Variants in RGS7 observed in about 807,000 individuals in gnomAD.
The protein encoded by RGS7 is regulator of G-protein signaling 7.
RGS7 carries 27 observed loss-of-function variants against 81.1 expected under a neutral mutation model. The ratio of observed to expected loss-of-function variants is 0.33; its 90% CI spans 0.25 to 0.46. The LOEUF (loss-of-function observed/expected upper bound fraction) is 0.46. Among genes scored for constraint, RGS7 ranks in the 20% least tolerant of loss-of-function variants. The pLI, the probability that RGS7 is intolerant of heterozygous loss-of-function variation, is 1.00. For missense variants in RGS7, 396 were observed against 607.4 expected, an observed-to-expected ratio of 0.65 and a Z score of 3.66; for synonymous variants, 208 against 207.7, an observed-to-expected ratio of 1.00 and a Z score of -0.01.
chr1:240,906,819 G>C (rs1267570779), intron 6 of RGS7, among the ~76,000 whole-genome samples: 1 of 152,100 alleles, frequency 6.6e-6, no homozygotes, highest in Non-Finnish European at 1.5e-5. Context: ...CATAGCTCAG[G>C]TCAATCACAT....
At chr1:241,063,948 C>G (rs1052512592) in intron 3 of RGS7, among the ~76,000 whole-genome samples, 1 of 152,034 alleles carries the variant, frequency 6.6e-6, no homozygotes, top group Non-Finnish European at 1.5e-5. Context: ...CTTTGGGAGG[C>G]CAAGGTGGGC....
At chr1:241,130,752 CTTTCTTATCTGAACCTCTAAGGA>C (rs2067020218) in intron 2 of RGS7, among the ~76,000 whole-genome samples, 1 of 134,328 alleles carries the variant, frequency 7.4e-6, no homozygotes, top group African/African-American at 4.0e-5. Context: ...CTGAGCATTG[CTTTCTTATCTGAACCTCTAAGGA>C]TTGGATTTGG....
At chr1:241,324,633 T>G (rs2081393799) in intron 2 of RGS7, among the ~76,000 whole-genome samples, 1 of 152,318 alleles carries the variant, frequency 6.6e-6, no homozygotes, top group African/African-American at 2.4e-5. Flanking sequence ...CAGATTTCCT[T>G]AGAATGACCA....
intron 2 of RGS7, among the ~76,000 whole-genome samples, chr1:241,341,867 A>G (rs1306008283): frequency 2.3e-5 from 3 of 132,178 alleles, no homozygotes; most frequent in East Asian, 2.1e-4. Context: ...ACACTCTTCA[A>G]CTCTTTTTTT....
At chr1:241,132,204 A>C (rs754660375) in intron 2 of RGS7, 1 of 154,678 alleles carries the variant, frequency 6.5e-6, no homozygotes, top group Non-Finnish European at 1.5e-5. Flanking sequence ...TAAAATGTAA[A>C]AGAACTGTGC....
chr1:241,333,844 A>G (rs897601580), intron 2 of RGS7, among the ~76,000 whole-genome samples: 1 of 150,934 alleles, frequency 6.6e-6, no homozygotes, highest in African/African-American at 2.5e-5. Flanking sequence ...TTATTTTTGC[A>G]TCTTAGTTGT....
intron 2 of RGS7, among the ~76,000 whole-genome samples, chr1:241,297,203 T>C (rs1447272911): frequency 3.9e-5 from 6 of 152,172 alleles, no homozygotes; most frequent in African/African-American, 1.2e-4. Flanking sequence ...GTCTGGCCCA[T>C]AGAATGAGCT....
intron 2 of RGS7, among the ~76,000 whole-genome samples, chr1:241,162,926 T>G: frequency 6.6e-6 from 1 of 152,350 alleles, no homozygotes; most frequent in African/African-American, 2.4e-5. Flanking sequence ...TTGCCATTGT[T>G]AAAGCCCATG....
At chr1:241,068,872 G>A (rs2062255426) in intron 3 of RGS7, among the ~76,000 whole-genome samples, 2 of 152,278 alleles carry the variant, frequency 1.3e-5, no homozygotes, top group Admixed American at 1.3e-4. Flanking sequence ...TTTCTCGTGA[G>A]TGGCTTAGTA....
chr1:240,999,371 GA>G (rs1687784019), intron 3 of RGS7, among the ~76,000 whole-genome samples: 1 of 151,694 alleles, frequency 6.6e-6, no homozygotes, highest in African/African-American at 2.4e-5. Context: ...AGATTTTTAA[GA>G]ATCACAAAAA....
chr1:241,072,214 C>T (rs1420802118), intron 3 of RGS7, among the ~76,000 whole-genome samples: 2 of 152,110 alleles, frequency 1.3e-5, no homozygotes, highest in African/African-American at 2.4e-5. Flanking sequence ...TCTAAAAGAC[C>T]TTGAGTGGTG....
chr1:240,916,325 T>C (rs1399282489), intron 6 of RGS7, among the ~76,000 whole-genome samples: 2 of 148,458 alleles, frequency 1.3e-5, no homozygotes, highest in Non-Finnish European at 3.0e-5. Context: ...GAACAGAATG[T>C]CTAAAAACTG....
chr1:240,833,229 G>A (rs1403073019), intron 9 of RGS7, among the ~76,000 whole-genome samples: 1 of 152,184 alleles, frequency 6.6e-6, no homozygotes, highest in Non-Finnish European at 1.5e-5. Context: ...TGCCTAACAG[G>A]TGGGTACCAC....
chr1:241,345,858 T>C (rs557548978), intron 2 of RGS7, among the ~76,000 whole-genome samples: 43 of 151,862 alleles, frequency 2.8e-4, no homozygotes, highest in South Asian at 1.5e-3. Context: ...TCTACTAAAA[T>C]ACAAAAAATA....
intron 2 of RGS7, chr1:241,186,483 CT>C: frequency 3.4e-6 from 3 of 876,992 alleles, no homozygotes; most frequent in South Asian, 5.3e-5. Flanking sequence ...CTTCAAACTT[CT>C]TTTCCCTCAA....
chr1:240,816,277 T>C (rs1469582693), intron 11 of RGS7, 40 bp downstream of exon 11: 1 of 1,292,148 alleles, frequency 7.7e-7, no homozygotes, highest in Admixed American at 1.7e-5. Flanking sequence ...TAGCTGTTAC[T>C]CTGTAAACCT....
chr1:241,050,100 C>T (rs774593205), intron 3 of RGS7, among the ~76,000 whole-genome samples: 46 of 152,310 alleles, frequency 3.0e-4, no homozygotes, highest in South Asian at 1.0e-3. Flanking sequence ...ATCTTTGCCC[C>T]CAATTCTCGC....
chr1:241,165,622 G>A (rs56243206), intron 2 of RGS7, among the ~76,000 whole-genome samples: 14,179 of 138,766 alleles, frequency 0.1, 788 homozygotes, highest in East Asian at 0.17. Context: ...ACACTCTGGC[G>A]ATTGTTGTGG....
rs1433690559 is a variant in RGS7, at chr1:241,068,257, T to TATATATATATATAAAA, written c.175+30408_175+30409insTTTTATATATATATAT. 2.2e-4 allele frequency among the ~76,000 whole-genome samples: 16 copies of TATATATATATATAAAA among 73,270 alleles called. 1 individual carries two copies. Among genetic ancestry groups the TATATATATATATAAAA allele is most frequent in the Non-Finnish European group, 3.8e-4 (14 of 36,376 alleles). The allele number at this position is 73,270 out of a possible 152,430, so 48.1% of individuals were successfully genotyped here. A position where few individuals can be genotyped will look rare whatever the true frequency, so the allele number is the denominator to read the frequency against. On this transcript the variant is annotated intron_variant, in intron 3 of 18. Coordinates refer to ENST00000440928, the MANE Select transcript of RGS7 (RefSeq NM_001364886.1). ...GTGTGTGTATATATATATATATATA[T>TATATATATATATAAAA]AAAATATTGTGTATATATAATATTA... is the stretch of plus-strand genomic sequence containing the variant.
Sources: allele counts gnomAD v4.1 joint callset (sites outside exome capture counted in the v4.1 genomes callset), GRCh38; gene constraint gnomAD v4.1.1; transcripts MANE v1.5; gene names NCBI Gene and HGNC (gene_info 2026-07-23, HGNC 2026-07-21).